The following ZNF543 variants were observed in gnomAD, a reference collection of about 807,000 sequenced individuals.
The protein encoded by ZNF543 is zinc finger protein 543.
In ZNF543, 10 loss-of-function variants were observed where a neutral mutation model predicts 13.4. That is an observed-to-expected ratio of 0.75 (90% CI 0.46 to 1.26). The LOEUF (loss-of-function observed/expected upper bound fraction) is 1.26. Among genes scored for constraint, ZNF543 ranks in the 50% most tolerant of loss-of-function variants. The pLI, the probability that ZNF543 is intolerant of heterozygous loss-of-function variation, is 0.00. For synonymous variants in ZNF543, 272 were observed against 264.7 expected, an observed-to-expected ratio of 1.03 and a Z score of -0.27; for missense variants, 768 against 741.2, an observed-to-expected ratio of 1.04 and a Z score of -0.42.
At chr19:57,325,232 G>A (rs1235936957) in intron 2 of ZNF543, among the ~76,000 whole-genome samples, 1 of 152,180 alleles carries the variant, frequency 6.6e-6, no homozygotes, top group African/African-American at 2.4e-5. Context: ...GCTGAAGGAA[G>A]GTCTGATTCC....
rs568151016 is a variant in ZNF543, at chr19:57,324,323, C to T, written c.145+515C>T. ...CTGAGATCTCATCACTACACTCCAG[C>T]CCAGGCGACAGTGTGAGAGAGACTC... is the stretch of plus-strand genomic sequence containing the variant. On this transcript the variant is annotated intron_variant, in intron 2 of 3. Coordinates refer to ENST00000321545, the MANE Select transcript of ZNF543 (RefSeq NM_213598.4). Among the ~76,000 whole-genome samples, 11 of 149,064 alleles carry T rather than the reference C, an allele frequency of 7.4e-5. No individual in the cohort carries two copies. In the South Asian group the frequency reaches 2.4e-3, roughly 32 times the overall value.
chr19:57,324,832 A>G (rs150526690), intron 2 of ZNF543, among the ~76,000 whole-genome samples: 1 of 152,324 alleles, frequency 6.6e-6, no homozygotes, highest in Non-Finnish European at 1.5e-5. Context: ...GCCTTAGGTC[A>G]GTGAAGAAAC....
chr19:57,326,545 C>A, intron 2 of ZNF543, 88 bp from the exon 3 acceptor site: 2 of 968,924 alleles, frequency 2.1e-6, no homozygotes, highest in Admixed American at 2.0e-5. Context: ...ACTTCATGGT[C>A]TTCCCCATCC....
Position 57,323,721 on chromosome 19 carries a change from C to G in ZNF543, c.58C>G (p.Gln20Glu). The G allele has an allele frequency of 6.2e-7, 1 of 1,613,714 alleles. No individual in the cohort carries two copies. The highest frequency in any genetic ancestry group is 8.5e-7 in the Non-Finnish European group (1 of 1,179,726). Residue 20 changes from glutamine to glutamate, a missense_variant, in exon 2 of 4, where the codon CAG becomes GAG. Physicochemically the swap from Gln to Glu is conservative, Grantham distance 29 (BLOSUM62 2). Around this residue, in one of 3 missense-constraint regions of ZNF543, gnomAD observed 77 missense variants for 75.5 expected, o/e 1.02. Coordinates refer to ENST00000321545, the MANE Select transcript of ZNF543 (RefSeq NM_213598.4). Reference sequence around the variant, plus strand: ...TGAGGATGTGGCTGTGACATTCACCCAGGAGGAGTGGGGACAGTTGGATGC... The same window carrying G: ...TGAGGATGTGGCTGTGACATTCACCGAGGAGGAGTGGGGACAGTTGGATGC... ...TFEDVAVTFT[Q>E]EEWGQLDAAQ...
intron 2 of ZNF543, among the ~76,000 whole-genome samples, chr19:57,325,817 C>T (rs1429383975): frequency 1.3e-5 from 2 of 152,198 alleles, no homozygotes; most frequent in Non-Finnish European, 2.9e-5. Context: ...CTGTGCCCAG[C>T]CTCTTTGCTC....
chr19:57,326,869 C>T (rs940244030), intron 3 of ZNF543, 141 bp downstream of exon 3: 6 of 487,396 alleles, frequency 1.2e-5, no homozygotes, highest in African/African-American at 1.1e-4. Flanking sequence ...CCCCGCCCGC[C>T]CCCCCCCACC....
intron 1 of ZNF543, among the ~76,000 whole-genome samples, chr19:57,321,543 A>G (rs115543838): frequency 2.8e-4 from 42 of 152,376 alleles, no homozygotes; most frequent in African/African-American, 9.9e-4. Flanking sequence ...GATCATAAAG[A>G]GTCCTTGCTG....
intron 3 of ZNF543, among the ~76,000 whole-genome samples, chr19:57,327,159 A>G (rs570073240): frequency 2.2e-4 from 33 of 151,988 alleles, no homozygotes; most frequent in African/African-American, 8.0e-4. Flanking sequence ...GGCCTCTTAC[A>G]TCTTAAATTT....
chr19:57,321,742 CTG>C (rs1337326897), intron 1 of ZNF543, among the ~76,000 whole-genome samples: 1 of 152,174 alleles, frequency 6.6e-6, no homozygotes, highest in Non-Finnish European at 1.5e-5. Flanking sequence ...CCATCACAGC[CTG>C]TGTTTTTACC....
Position 57,329,116 on chromosome 19 carries a change from C to G in ZNF543, c.1654C>G (p.His552Asp). 6.2e-7 allele frequency: 1 copy of G among 1,614,238 alleles called. No homozygotes were observed. The highest frequency in any genetic ancestry group is 8.5e-7 in the Non-Finnish European group (1 of 1,180,046). ...TTTTAATCGCGGCTCATCCCTCACACATCATCAAAGGATTCATACTGGGAG... is the reference window on the plus strand; with the variant it reads ...TTTTAATCGCGGCTCATCCCTCACAGATCATCAAAGGATTCATACTGGGAG... ...KAFNRGSSLT[H>D]HQRIHTGRNP... Residue 552 changes from histidine to aspartate, a missense_variant, in exon 4 of 4, where the codon CAT (histidine) becomes GAT (aspartate). Physicochemically the swap from His to Asp is moderately conservative, Grantham distance 81. Around this residue, in one of 3 missense-constraint regions of ZNF543, gnomAD observed 677 missense variants for 631.4 expected, o/e 1.07. Transcript: ENST00000321545.
chr19:57,324,317 C>T (rs1452507215), intron 2 of ZNF543, among the ~76,000 whole-genome samples: 3 of 147,710 alleles, frequency 2.0e-5, no homozygotes, highest in Non-Finnish European at 3.0e-5. Flanking sequence ...CATCACTACA[C>T]TCCAGCCCAG....
intron 2 of ZNF543, 92 bp from the exon 3 acceptor site, chr19:57,326,541 T>C (rs2088121856): frequency 3.2e-6 from 3 of 925,602 alleles, no homozygotes; most frequent in Non-Finnish European, 5.1e-6. Flanking sequence ...CTTCACTTCA[T>C]GGTCTTCCCC....
chr19:57,322,775 C>T (rs2088097662), intron 1 of ZNF543, among the ~76,000 whole-genome samples: 1 of 152,106 alleles, frequency 6.6e-6, no homozygotes, highest in African/African-American at 2.4e-5. Flanking sequence ...TCCTTTACAG[C>T]TTTTCTTCAG....
chr19:57,322,437 T>A (rs971380902), intron 1 of ZNF543, among the ~76,000 whole-genome samples: 7 of 148,058 alleles, frequency 4.7e-5, no homozygotes, highest in African/African-American at 1.5e-4. Context: ...GGCAGGAGGA[T>A]CATGAGTTCA....
Position 57,323,926 on chromosome 19 carries a change from A to C in ZNF543, c.145+118A>C, listed in dbSNP as rs1261404737. On this transcript the variant is annotated intron_variant, in intron 2 of 3. Coordinates refer to ENST00000321545, the MANE Select transcript of ZNF543 (RefSeq NM_213598.4). The stretch of plus-strand genomic sequence containing the variant: ...CTGGCACCACGCAGGGGTGTTCACC[A>C]TTGGCTCTGAGCGTAGCACTTGGGA... 5 of 1,346,304 alleles carry C rather than the reference A, an allele frequency of 3.7e-6. No individual in the cohort carries two copies. The African/African-American group carries it at 4.4e-5, about 12-fold the overall frequency. The allele number at this position is 1,346,304 out of a possible 1,614,324, so 83.4% of individuals were successfully genotyped here.
rs779902218 is a variant in ZNF543 at position 57,328,804 on chromosome 19, G to C, written c.1342G>C (p.Glu448Gln). The C allele has an allele frequency of 2.5e-6, 4 of 1,614,096 alleles. No homozygotes were observed. The highest frequency in any genetic ancestry group is 3.4e-6 in the Non-Finnish European group (4 of 1,180,028). Reference protein sequence around the residue: ...FVLHKRTHTGEKPYECKECGK... With the variant: ...FVLHKRTHTGQKPYECKECGK... The stretch of plus-strand genomic sequence containing the variant: ...CTTGCATAAAAGGACCCACACAGGA[G>C]AAAAACCCTATGAATGCAAAGAATG... Residue 448 changes from glutamate to glutamine, a missense_variant, in exon 4 of 4, where the codon GAA (glutamate) becomes CAA (glutamine). Physicochemically the swap from Glu to Gln is conservative, Grantham distance 29 (BLOSUM62 2). Transcript: ENST00000321545.
chr19:57,320,648 G>A lies in ZNF543; in HGVS notation c.-206G>A. 3.6e-6 allele frequency: 2 copies of A among 561,506 alleles called. No homozygotes were observed. Among genetic ancestry groups the A allele is most frequent in the Non-Finnish European group, 6.2e-6 (2 of 323,432 alleles). 34.8% of individuals were successfully genotyped at this position (561,506 alleles called of 1,614,324 possible). On this transcript the variant is annotated 5_prime_UTR_variant, in exon 1 of 4. Transcript: ENST00000321545. ...TTCTTCCCTAACGGGGTGTTCCACC[G>A]GCGCCTGCCGAGGCCTAGGCCTCCG...
chr19:57,322,391 G>C (rs1014160153), intron 1 of ZNF543, among the ~76,000 whole-genome samples: 1 of 151,768 alleles, frequency 6.6e-6, no homozygotes, highest in African/African-American at 2.4e-5. Context: ...CCCCAGCACA[G>C]TGGCATGTGT....
rs1246073463 is a variant in ZNF543, at chr19:57,330,675, T to TTA, written c.*1414_*1415dup. Reference sequence around the variant, plus strand: ...TTTAGAGCGTTTTGTAATTCCTTTTTTATATTTTTAAGACTAGATTTTGAG... The same window carrying TTA: ...TTTAGAGCGTTTTGTAATTCCTTTTTTATATATTTTTAAGACTAGATTTTGAG... On this transcript the variant is annotated 3_prime_UTR_variant, in exon 4 of 4. Coordinates refer to ENST00000321545, the MANE Select transcript of ZNF543 (RefSeq NM_213598.4). The TTA allele has an allele frequency of 6.6e-6, 1 of 152,182 alleles. No individual in the cohort carries two copies. The allele number at this position is 152,182 out of a possible 1,614,324, so 9.4% of individuals were successfully genotyped here.
Sources: allele counts gnomAD v4.1 joint callset (sites outside exome capture counted in the v4.1 genomes callset), GRCh38; gene constraint gnomAD v4.1.1; regional missense constraint gnomAD v4.1.1; transcripts MANE v1.5; gene names NCBI Gene and HGNC (gene_info 2026-07-23, HGNC 2026-07-21).